Variants in PLCG2 observed in about 807,000 individuals in gnomAD.
PLCG2 encodes the protein 1-phosphatidylinositol 4,5-bisphosphate phosphodiesterase gamma-2.
Under a neutral mutation model 175.6 loss-of-function variants are expected in PLCG2, and 69 were observed. The observed-to-expected ratio is 0.39, with a 90% confidence interval of 0.32 to 0.48. PLCG2 has a LOEUF of 0.48. Ranked by LOEUF, PLCG2 falls within the 20% of genes least tolerant of loss-of-function variation. The pLI is 0.91. For missense variants in PLCG2, 1,798 were observed against 1,650.9 expected (o/e 1.09, Z -1.54); for synonymous variants, 827 against 624.0 (o/e 1.33, Z -4.85).
intron 2 of PLCG2, among the ~76,000 whole-genome samples, chr16:81,808,334 C>T (rs1386979242): frequency 6.6e-6 from 1 of 152,064 alleles, no homozygotes; most frequent in East Asian, 1.9e-4. Flanking sequence ...AAGTGAATCC[C>T]CAGTGTCCTG....
intron 22 of PLCG2, 129 bp from the exon 23 acceptor site, chr16:81,926,953 A>C (rs1308010628): frequency 7.3e-6 from 5 of 683,296 alleles, no homozygotes; most frequent in Non-Finnish European, 1.3e-5. Flanking sequence ...ACAGATAGTG[A>C]CACTGGTCAC....
At position 81,830,007 on chromosome 16, in the gene PLCG2, C is replaced by T. The variant is rs533017457; in HGVS notation, c.194-24437C>T. On this transcript the variant is annotated intron_variant, in intron 2 of 32. Transcript: ENST00000564138. ...TGAACGGGCAGTGCTGTCTTGCCTT[C>T]AAGGAGTGGAGAGATTAAATATATA... 5.9e-5 allele frequency among the ~76,000 whole-genome samples: 9 copies of T among 152,058 alleles called. No individual in the cohort carries two copies. In the South Asian group the frequency reaches 1.5e-3, roughly 25 times the overall value.
intron 8 of PLCG2, 82 bp from the exon 9 acceptor site, chr16:81,883,187 C>T: frequency 1.6e-6 from 2 of 1,219,344 alleles, no homozygotes; most frequent in Non-Finnish European, 2.4e-6. Context: ...GGGTGGCAGG[C>T]TGCCCCATTG....
chr16:81,791,710 G>A (rs1165904196), intron 2 of PLCG2, among the ~76,000 whole-genome samples: 1 of 152,136 alleles, frequency 6.6e-6, no homozygotes, highest in Non-Finnish European at 1.5e-5. Context: ...GATTACAGGT[G>A]GGTACCATCA....
chr16:81,776,083 C>CTTTCTTTCTTTCTTGCTTGCTTTCTT, upstream of PLCG2, among the ~76,000 whole-genome samples: 4 of 81,846 alleles, frequency 4.9e-5, no homozygotes, highest in Non-Finnish European at 8.1e-5. Flanking sequence ...TTCTCTCTCT[C>CTTTCTTTCTTTCTTGCTTGCTTTCTT]TCTCTCTTTC....
At chr16:81,899,989 A>C (rs1909075089) in intron 13 of PLCG2, among the ~76,000 whole-genome samples, 1 of 152,240 alleles carries the variant, frequency 6.6e-6, no homozygotes, top group South Asian at 2.1e-4. Flanking sequence ...GACTTTATGA[A>C]CCATAACCCC....
chr16:81,851,863 C>A (rs919849044), intron 2 of PLCG2, among the ~76,000 whole-genome samples: 1 of 152,178 alleles, frequency 6.6e-6, no homozygotes, highest in African/African-American at 2.4e-5. Flanking sequence ...TGAGCTAGAC[C>A]CACGGTAAGA....
rs750924322 is a variant in PLCG2, at chr16:81,786,103, C to T, written c.114C>T (p.Pro38=). Residue 38 remains proline (P), a synonymous_variant, in exon 2 of 33, where the codon CCC becomes CCT. Transcript: ENST00000564138. ...TGTTCAGCTTCCGCAAGTCCACCCC[C>T]GAGCGGAGAACCGTCCAGGTGATCA... The part of the protein sequence containing the change: ...MTVFSFRKST[P]ERRTVQVIME... The T allele has an allele frequency of 3.7e-5, 60 of 1,614,182 alleles. No individual in the cohort carries two copies. The highest frequency in any genetic ancestry group is 1.6e-4 in the Middle Eastern group (1 of 6,062).
intron 31 of PLCG2, among the ~76,000 whole-genome samples, chr16:81,954,549 T>A (rs150764230): frequency 6.6e-6 from 1 of 152,166 alleles, no homozygotes; most frequent in African/African-American, 2.4e-5. Context: ...TGTGTCCTCA[T>A]TGTTCAACTC....
chr16:81,786,812 C>A (rs937085667), intron 2 of PLCG2, among the ~76,000 whole-genome samples: 5 of 152,180 alleles, frequency 3.3e-5, no homozygotes, highest in African/African-American at 1.2e-4. Context: ...CAAATATTTG[C>A]TCTAATTTGT....
intron 2 of PLCG2, among the ~76,000 whole-genome samples, chr16:81,793,643 T>C (rs942743653): frequency 6.6e-6 from 1 of 152,224 alleles, no homozygotes; most frequent in Non-Finnish European, 1.5e-5. Context: ...GTCTGTTTCC[T>C]TGGTATTAGG....
chr16:81,744,611 T>TA (rs397954205), intron 1 of PLCG2, among the ~76,000 whole-genome samples: 4 of 151,686 alleles, frequency 2.6e-5, no homozygotes. Context: ...TTGTTTTTTT[T>TA]AAGATAGTCG....
intron 24 of PLCG2, among the ~76,000 whole-genome samples, chr16:81,929,779 C>T (rs1452980098): frequency 6.6e-6 from 1 of 152,216 alleles, no homozygotes; most frequent in Non-Finnish European, 1.5e-5. Context: ...GCTCCGATTA[C>T]CAGATGGGAA....
intron 1 of PLCG2, among the ~76,000 whole-genome samples, chr16:81,748,124 C>T (rs564861879): frequency 8.0e-4 from 122 of 152,340 alleles, no homozygotes; most frequent in African/African-American, 2.8e-3. Flanking sequence ...ATCCGCCCAC[C>T]TCGACCTCCC....
intron 2 of PLCG2, among the ~76,000 whole-genome samples, chr16:81,808,753 A>G (rs1904293898): frequency 6.6e-6 from 1 of 152,246 alleles, no homozygotes; most frequent in East Asian, 1.9e-4. Context: ...TCTGCCTCCC[A>G]AAGTGCTGGG....
At chr16:81,895,626 T>G (rs1289045623) in intron 12 of PLCG2, 181 bp from the exon 13 acceptor site, 1 of 591,966 alleles carries the variant, frequency 1.7e-6, no homozygotes. Flanking sequence ...TGCACTTGCA[T>G]TATGTAAGCG....
chr16:81,778,044 A>AAACAAACAAAAAAAC (rs1567457783), upstream of PLCG2, among the ~76,000 whole-genome samples: 1 of 83,782 alleles, frequency 1.2e-5, no homozygotes, highest in Admixed American at 1.1e-4. Flanking sequence ...AAAAAAAAAC[A>AAACAAACAAAAAAAC]AAAAAAAAAA....
At position 81,789,546 on chromosome 16, in the gene PLCG2, C is replaced by A. The variant is rs146359883; in HGVS notation, c.193+3364C>A. The stretch of plus-strand genomic sequence containing the variant: ...TCAAGTGATCCTCCCACCTTGGTCT[C>A]CGAAAGTGCTGGGATTACAGACAGG... On this transcript the variant is annotated intron_variant, in intron 2 of 32. Transcript: ENST00000564138. Among the ~76,000 whole-genome samples the A allele has an allele frequency of 2.2e-3, 331 of 152,320 alleles. 1 individual carries two copies. The highest frequency in any genetic ancestry group is 7.5e-3 in the African/African-American group (311 of 41,570).
At position 81,960,675 on chromosome 16, in the gene PLCG2, T is replaced by A; in HGVS notation, c.*2677T>A. The A allele has an allele frequency of 8.7e-6, 2 of 230,314 alleles. No individual in the cohort carries two copies. The highest frequency in any genetic ancestry group is 1.7e-5 in the Non-Finnish European group (2 of 116,168). 14.3% of individuals were successfully genotyped at this position (230,314 alleles called of 1,614,324 possible). On this transcript the variant is annotated 3_prime_UTR_variant, in exon 33 of 33. Transcript: ENST00000564138. ...TGGGACTTATCTATAGTGGAACACA[T>A]TTGAAGACCTACTGCTCTATTAAGA...
Sources: allele counts gnomAD v4.1 joint callset (sites outside exome capture counted in the v4.1 genomes callset), GRCh38; gene constraint gnomAD v4.1.1; transcripts MANE v1.5; gene names NCBI Gene and HGNC (gene_info 2026-07-23, HGNC 2026-07-21).